SMAD6: variants seen among roughly 807,000 people sequenced by gnomAD.
SMAD6 encodes the protein SMAD family member 6.
A neutral mutation model predicts 39.4 loss-of-function variants in SMAD6; 103 were observed. The observed-to-expected ratio is 2.62, with a 90% confidence interval of 2.23 to 3.08. The LOEUF (loss-of-function observed/expected upper bound fraction) is 3.08. SMAD6 is among the 30% of genes most tolerant of loss of function. The pLI is 0.00. For synonymous variants in SMAD6, 445 were observed against 353.3 expected, an observed-to-expected ratio of 1.26 and a Z score of -2.91; for missense variants, 1,104 against 742.9, an observed-to-expected ratio of 1.49 and a Z score of -5.65.
chr15:66,719,969 C>A (rs1175564109), intron 3 of SMAD6, among the ~76,000 whole-genome samples: 1 of 152,152 alleles, frequency 6.6e-6, no homozygotes, highest in Admixed American at 6.5e-5. Flanking sequence ...GGAGACCTTA[C>A]ACCTGGAGTC....
At chr15:66,775,773 G>T (rs566429822) in intron 3 of SMAD6, among the ~76,000 whole-genome samples, 1 of 152,232 alleles carries the variant, frequency 6.6e-6, no homozygotes, top group Admixed American at 6.5e-5. Context: ...CAATTAAAGA[G>T]CTGGTTCCTA....
In SMAD6 at chr15:66,781,118, C is replaced by T. The variant is rs374240137; in HGVS notation, c.1074C>T (p.Tyr358=). 1.8e-5 allele frequency: 29 copies of T among 1,608,770 alleles called. No individual in the cohort carries two copies. The highest frequency in any genetic ancestry group is 1.7e-4 in the Admixed American group (10 of 59,972). The change falls in exon 4 of 4, where the codon TAC becomes TAT. Residue 358 remains tyrosine, a synonymous_variant. Transcript: ENST00000288840. ...AVYDQAVSIF[Y]DLPQGSGFCL... is the part of the protein sequence containing the mutation. ...ACGACCAGGCCGTCAGCATCTTCTA[C>T]GACCTACCTCAGGGCAGCGGCTTCT...
At chr15:66,734,255 G>A (rs1024129310) in intron 3 of SMAD6, among the ~76,000 whole-genome samples, 5 of 152,254 alleles carry the variant, frequency 3.3e-5, no homozygotes, top group Admixed American at 6.5e-5. Flanking sequence ...TCACCCCGCG[G>A]TACTGAGTGT....
chr15:66,776,675 C>T (rs1489732828), intron 3 of SMAD6, among the ~76,000 whole-genome samples: 1 of 152,210 alleles, frequency 6.6e-6, no homozygotes, highest in African/African-American at 2.4e-5. Context: ...TATTAGACTC[C>T]ATTAGTGGTC....
intron 3 of SMAD6, among the ~76,000 whole-genome samples, chr15:66,722,424 AC>A (rs2140613827): frequency 1.3e-5 from 2 of 152,304 alleles, no homozygotes; most frequent in East Asian, 3.9e-4. Context: ...TCAGACTTGA[AC>A]CTAGCCCGGT....
At position 66,703,508 on chromosome 15, in the gene SMAD6, C is replaced by G. The variant is rs1893026985; in HGVS notation, c.250C>G (p.Arg84Gly). 8.2e-7 allele frequency: 1 copy of G among 1,224,520 alleles called. No individual in the cohort carries two copies. The highest frequency in any genetic ancestry group is 1.0e-6 in the Non-Finnish European group (1 of 979,964). 75.9% of individuals were successfully genotyped at this position (1,224,520 alleles called of 1,614,324 possible). A position where few individuals can be genotyped will look rare whatever the true frequency, so the allele number is the denominator to read the frequency against. The change falls in exon 1 of 4, where the codon CGG (arginine) becomes GGG (glycine). Residue 84 changes from arginine (R) to glycine (G), a missense_variant. Transcript: ENST00000288840. Reference protein sequence around the residue: ...QRGAQGAGRRRRAGGPPRPMS... With the variant: ...QRGAQGAGRRGRAGGPPRPMS... ...AGGCGCCCAGGGCGCGGGGAGGCGC[C>G]GGCGCGCAGGGGGCCCCCCGAGGCC...
rs1893008255 is a variant in SMAD6 at position 66,703,028 on chromosome 15, C to T, written c.-231C>T. 1 of 382,182 alleles carries T rather than the reference C, an allele frequency of 2.6e-6. No individual in the cohort carries two copies. The highest frequency in any genetic ancestry group is 4.6e-5 in the Admixed American group (1 of 21,690). 23.7% of individuals were successfully genotyped at this position (382,182 alleles called of 1,614,324 possible). On this transcript the variant is annotated 5_prime_UTR_variant, in exon 1 of 4. Coordinates refer to ENST00000288840, the MANE Select transcript of SMAD6 (RefSeq NM_005585.5). ...GGTCCATGTAGCCGCTGGCCGCGCG[C>T]GGACTGCGGCTCGGCGTGCGCGTGT...
Position 66,747,135 on chromosome 15 carries a change from T to A in SMAD6, c.952+30637T>A, listed in dbSNP as rs1469877930. ...ACTAATCTAATTGATCCAGTTGATCTTCCCTGAGAGGATCCAGCCAGGAGG... is the reference window on the plus strand; with the variant it reads ...ACTAATCTAATTGATCCAGTTGATCATCCCTGAGAGGATCCAGCCAGGAGG... On this transcript the variant is annotated intron_variant, in intron 3 of 3. Transcript: ENST00000288840. This position sits in a 1 kb window ranked among gnomAD's most constrained non-coding sequence, Gnocchi z 4.5. 6.6e-6 allele frequency among the ~76,000 whole-genome samples: 1 copy of A among 152,258 alleles called. No homozygotes were observed. The highest frequency in any genetic ancestry group is 1.5e-5 in the Non-Finnish European group (1 of 68,042).
intron 2 of SMAD6, among the ~76,000 whole-genome samples, chr15:66,714,926 A>G (rs1312091962): frequency 6.6e-6 from 1 of 152,036 alleles, no homozygotes; most frequent in Admixed American, 6.6e-5. Context: ...TGATGTTGCT[A>G]CTTCAGATGA....
chr15:66,767,425 T>C (rs925481539), intron 3 of SMAD6, among the ~76,000 whole-genome samples: 5 of 152,154 alleles, frequency 3.3e-5, no homozygotes, highest in African/African-American at 1.2e-4. Context: ...GGGATGGATA[T>C]ACTGGTTAGC....
rs1006668490 is a variant in SMAD6 at position 66,747,399 on chromosome 15, C to T, written c.952+30901C>T. On this transcript the variant is annotated intron_variant, in intron 3 of 3. Transcript: ENST00000288840. The surrounding 1 kb of genome is among the most constrained non-coding windows in gnomAD (Gnocchi z 4.5). Reference sequence around the variant, plus strand: ...GTCAGCAGGAGGCTCTGGCCAGACTCTGCTTCCCCGTGGGGAACTAAGCCT... The same window carrying T: ...GTCAGCAGGAGGCTCTGGCCAGACTTTGCTTCCCCGTGGGGAACTAAGCCT... Among the ~76,000 whole-genome samples, 1 of 152,244 alleles carries T rather than the reference C, an allele frequency of 6.6e-6. No homozygotes were observed. The highest frequency in any genetic ancestry group is 2.4e-5 in the African/African-American group (1 of 41,468).
intron 3 of SMAD6, among the ~76,000 whole-genome samples, chr15:66,744,048 A>T (rs1339965179): frequency 1.3e-5 from 2 of 152,146 alleles, no homozygotes; most frequent in Admixed American, 1.3e-4. Flanking sequence ...ATATGTTCCT[A>T]GAAGTGGGAT....
intron 3 of SMAD6, among the ~76,000 whole-genome samples, chr15:66,746,365 G>C (rs566070505): frequency 1.1e-3 from 173 of 152,238 alleles, no homozygotes; most frequent in Non-Finnish European, 1.9e-3. Context: ...GGGCTGGGAC[G>C]TGTGGTTTAA....
chr15:66,720,196 A>G (rs927662404), intron 3 of SMAD6, among the ~76,000 whole-genome samples: 1 of 151,682 alleles, frequency 6.6e-6, no homozygotes. Context: ...GAAGCTAGTT[A>G]AATAAATTCA....
chr15:66,731,943 C>CTTT (rs71455528), intron 3 of SMAD6, among the ~76,000 whole-genome samples: 16 of 133,222 alleles, frequency 1.2e-4, no homozygotes, highest in African/African-American at 2.5e-4. Flanking sequence ...CTCATTGTGA[C>CTTT]TTTTTTTTTT....
chr15:66,776,449 G>A (rs781070092), intron 3 of SMAD6, among the ~76,000 whole-genome samples: 1 of 152,208 alleles, frequency 6.6e-6, no homozygotes, highest in African/African-American at 2.4e-5. Context: ...AGAGACTGAG[G>A]CTTGGAGACG....
intron 3 of SMAD6, among the ~76,000 whole-genome samples, chr15:66,725,881 T>C (rs1254926315): frequency 6.6e-6 from 1 of 152,170 alleles, no homozygotes; most frequent in Admixed American, 6.5e-5. Context: ...GTGGCCATGC[T>C]AGCCCCTCAG....
intron 3 of SMAD6, among the ~76,000 whole-genome samples, chr15:66,739,640 G>C (rs1893777720): frequency 6.6e-6 from 1 of 152,074 alleles, no homozygotes; most frequent in South Asian, 2.1e-4. Context: ...GGGAAAACTT[G>C]TACCTATTTG....
At chr15:66,730,395 C>G (rs971921739) in intron 3 of SMAD6, among the ~76,000 whole-genome samples, 2 of 152,226 alleles carry the variant, frequency 1.3e-5, no homozygotes, top group African/African-American at 4.8e-5. Context: ...TGGCCTCTCT[C>G]TTCTGAACCT....
Sources: gnomAD v4.1 joint callset for allele counts (sites outside exome capture counted in the v4.1 genomes callset) on GRCh38, gnomAD v4.1.1 for gene constraint, Gnocchi (gnomAD v3.1) non-coding constraint, MANE v1.5 for transcripts, NCBI Gene and HGNC (gene_info 2026-07-23, HGNC 2026-07-21) for gene names.